KCNJ16: variants seen among roughly 807,000 people sequenced by gnomAD.
KCNJ16 encodes the protein potassium inwardly rectifying channel subfamily J member 16, also known as inward rectifier potassium channel 16.
A neutral mutation model predicts 18.5 loss-of-function variants in KCNJ16; 15 were observed. The observed-to-expected ratio is 0.81, with a 90% confidence interval of 0.54 to 1.25. KCNJ16 has a LOEUF of 1.25. Ranked by LOEUF, KCNJ16 falls within the 50% of genes most tolerant of loss-of-function variation. The pLI, the probability that KCNJ16 is intolerant of heterozygous loss-of-function variation, is 0.00. For synonymous variants in KCNJ16, 174 were observed against 186.5 expected (o/e 0.93, Z 0.55); for missense variants, 523 against 525.7 (o/e 0.99, Z 0.05).
chr17:70,078,577 T>C (rs1248231345), intron 1 of KCNJ16, among the ~76,000 whole-genome samples: 1 of 152,184 alleles, frequency 6.6e-6, no homozygotes, highest in Non-Finnish European at 1.5e-5. Context: ...AAAAACACTC[T>C]TGTTTTGGTA....
chr17:70,130,432 G>A (rs2074016369), intron 2 of KCNJ16, among the ~76,000 whole-genome samples: 1 of 152,182 alleles, frequency 6.6e-6, no homozygotes, highest in Non-Finnish European at 1.5e-5. Context: ...TGGATGATGG[G>A]TGAGTGAAGT....
intron 2 of KCNJ16, among the ~76,000 whole-genome samples, chr17:70,104,616 G>T (rs2072825960): frequency 6.6e-6 from 1 of 152,246 alleles, no homozygotes; most frequent in African/African-American, 2.4e-5. Flanking sequence ...AAGAGAAAAT[G>T]CAGCCTTCCA....
At position 70,117,512 on chromosome 17, in the gene KCNJ16, C is replaced by T. The variant is rs893543305; in HGVS notation, c.-190-13367C>T. On this transcript the variant is annotated intron_variant, in intron 2 of 3. Transcript: ENST00000392671. ...ACTCCGTTATCAGTCCTGAGGAAGA[C>T]GATAACATAAAAACAAGTAGTATCA... Among the ~76,000 whole-genome samples the T allele has an allele frequency of 2.4e-4, 37 of 152,044 alleles. 1 individual carries two copies. Among genetic ancestry groups the T allele is most frequent in the Admixed American group, 1.2e-3 (18 of 15,274 alleles).
At chr17:70,075,911 C>T (rs776517165) in intron 1 of KCNJ16, among the ~76,000 whole-genome samples, 28 of 151,706 alleles carry the variant, frequency 1.8e-4, no homozygotes, top group African/African-American at 6.3e-4. Flanking sequence ...TTTATTTTAA[C>T]ATAAATTGAA....
intron 1 of KCNJ16, among the ~76,000 whole-genome samples, chr17:70,094,636 TATTTTCTTA>T (rs2072270453): frequency 6.6e-6 from 1 of 150,498 alleles, no homozygotes; most frequent in South Asian, 2.1e-4. Context: ...GAATAACATA[TATTTTCTTA>T]ATTTTTTGTG....
chr17:70,078,349 C>A (rs1220515597), intron 1 of KCNJ16, among the ~76,000 whole-genome samples: 6 of 41,618 alleles, frequency 1.4e-4, no homozygotes, highest in Non-Finnish European at 3.1e-4. Flanking sequence ...TCCAACAACT[C>A]CGCATAAAAA....
chr17:70,078,309 T>TG (rs1003598328), intron 1 of KCNJ16, among the ~76,000 whole-genome samples: 11 of 151,974 alleles, frequency 7.2e-5, no homozygotes, highest in Admixed American at 1.3e-4. Flanking sequence ...GTCAATCATC[T>TG]GGGGAAAAAA....
chr17:70,096,327 C>G (rs991693818), intron 1 of KCNJ16, among the ~76,000 whole-genome samples: 5 of 152,088 alleles, frequency 3.3e-5, no homozygotes, highest in Admixed American at 6.5e-5. Flanking sequence ...CAAATTGGCT[C>G]TATTTTCTTA....
intron 1 of KCNJ16, among the ~76,000 whole-genome samples, chr17:70,090,114 A>G (rs1401738216): frequency 1.3e-5 from 2 of 152,340 alleles, no homozygotes; most frequent in Admixed American, 6.5e-5. Flanking sequence ...TTGTGCTGGT[A>G]AAACAGGGCA....
chr17:70,096,039 T>G (rs1469362331), intron 1 of KCNJ16, among the ~76,000 whole-genome samples: 1 of 151,808 alleles, frequency 6.6e-6, no homozygotes, highest in Non-Finnish European at 1.5e-5. Context: ...CCCACCACCA[T>G]GTCTGGCTAA....
At chr17:70,085,980 A>G (rs370705983) in intron 1 of KCNJ16, among the ~76,000 whole-genome samples, 5 of 152,214 alleles carry the variant, frequency 3.3e-5, no homozygotes, top group African/African-American at 1.2e-4. Flanking sequence ...TATGGTCCCA[A>G]CGACAGATGG....
Position 70,110,477 on chromosome 17 carries a change from T to TGC in KCNJ16, c.-191+9716_-191+9717dup, listed in dbSNP as rs201890516. 7.5e-3 allele frequency among the ~76,000 whole-genome samples: 930 copies of TGC among 124,096 alleles called. 23 individuals carry two copies. Among genetic ancestry groups the TGC allele is most frequent in the East Asian group, 0.066 (340 of 5,144 alleles). The allele number at this position is 124,096 out of a possible 152,430, so 81.4% of individuals were successfully genotyped here. A position where few individuals can be genotyped will look rare whatever the true frequency, so the allele number is the denominator to read the frequency against. On this transcript the variant is annotated intron_variant, in intron 2 of 3. Transcript: ENST00000392671. ...CAGACTTACACACCTACACACTTCG[T>TGC]GCGCGCACACACACACACACACACA...
intron 3 of KCNJ16, chr17:70,131,616 T>C (rs1157267964): frequency 2.8e-6 from 1 of 361,992 alleles, no homozygotes; most frequent in Non-Finnish European, 4.0e-6. Context: ...TAGACACATA[T>C]CTGAATTGAA....
At chr17:70,094,178 C>A (rs1472049627) in intron 1 of KCNJ16, among the ~76,000 whole-genome samples, 1 of 152,122 alleles carries the variant, frequency 6.6e-6, no homozygotes, top group Non-Finnish European at 1.5e-5. Flanking sequence ...GAATTCACAG[C>A]CTAAAGAGAA....
chr17:70,111,761 G>C (rs1354965408), intron 2 of KCNJ16, among the ~76,000 whole-genome samples: 1 of 152,032 alleles, frequency 6.6e-6, no homozygotes, highest in Non-Finnish European at 1.5e-5. Flanking sequence ...TCTCACGAGA[G>C]CTGATGGTTT....
intron 1 of KCNJ16, among the ~76,000 whole-genome samples, chr17:70,084,313 C>A (rs914874957): frequency 6.6e-6 from 1 of 151,964 alleles, no homozygotes; most frequent in Non-Finnish European, 1.5e-5. Flanking sequence ...CCATTCAGAA[C>A]AAAAAACAAG....
At chr17:70,084,454 A>G (rs1448246394) in intron 1 of KCNJ16, among the ~76,000 whole-genome samples, 1 of 152,156 alleles carries the variant, frequency 6.6e-6, no homozygotes, top group African/African-American at 2.4e-5. Context: ...ATACACACAA[A>G]CGAGCTTTGG....
intron 1 of KCNJ16, among the ~76,000 whole-genome samples, chr17:70,082,570 T>A (rs2071601041): frequency 6.6e-6 from 1 of 152,152 alleles, no homozygotes; most frequent in African/African-American, 2.4e-5. Flanking sequence ...GGTTCAGAGG[T>A]AAGGTAGGTA....
At chr17:70,080,463 A>G (rs1357508786) in intron 1 of KCNJ16, among the ~76,000 whole-genome samples, 2 of 152,194 alleles carry the variant, frequency 1.3e-5, no homozygotes, top group African/African-American at 2.4e-5. Context: ...AAGAAAAACT[A>G]TCATAAGACC....
Sources: allele counts gnomAD v4.1 joint callset (sites outside exome capture counted in the v4.1 genomes callset), GRCh38; gene constraint gnomAD v4.1.1; transcripts MANE v1.5; gene names NCBI Gene and HGNC (gene_info 2026-07-23, HGNC 2026-07-21).